The following SENP6 variants were observed in gnomAD, a reference collection of about 807,000 sequenced individuals.
The protein encoded by SENP6 is sentrin-specific protease 6.
Under a neutral mutation model 134.5 loss-of-function variants are expected in SENP6, and 41 were observed. The ratio of observed to expected loss-of-function variants is 0.30; its 90% CI spans 0.24 to 0.40. The LOEUF (loss-of-function observed/expected upper bound fraction) is 0.40. Ranked by LOEUF, SENP6 falls within the 10% of genes least tolerant of loss-of-function variation. The pLI, the probability that SENP6 is intolerant of heterozygous loss-of-function variation, is 1.00. For synonymous variants in SENP6, 395 were observed against 429.8 expected, an observed-to-expected ratio of 0.92 and a Z score of 1.00; for missense variants, 1,248 against 1,312.5, an observed-to-expected ratio of 0.95 and a Z score of 0.76.
At chr6:75,638,959 A>G (rs991917335) in intron 5 of SENP6, among the ~76,000 whole-genome samples, 1 of 152,066 alleles carries the variant, frequency 6.6e-6, no homozygotes, top group East Asian at 1.9e-4. Flanking sequence ...TCAAGGTGGG[A>G]GAATCACCTG....
intron 1 of SENP6, among the ~76,000 whole-genome samples, chr6:75,604,262 A>G (rs1091353): frequency 0.92 from 140,233 of 152,310 alleles, 65,137 homozygotes; most frequent in South Asian, 0.99. Flanking sequence ...ATGTATAGGT[A>G]TGATAAATTC....
chr6:75,667,154 CAAG>C (rs1376678293), intron 10 of SENP6, among the ~76,000 whole-genome samples: 2 of 152,038 alleles, frequency 1.3e-5, no homozygotes, highest in African/African-American at 4.8e-5. Flanking sequence ...AAAAATTCAA[CAAG>C]AAAACACAGT....
intron 16 of SENP6, among the ~76,000 whole-genome samples, chr6:75,690,752 G>A (rs902941138): frequency 1.3e-5 from 2 of 150,656 alleles, no homozygotes; most frequent in African/African-American, 4.9e-5. Context: ...CTGGAGTGCA[G>A]TGGTGCAATC....
intron 20 of SENP6, 52 bp downstream of exon 20, chr6:75,709,682 T>G (rs1775637949): frequency 7.3e-7 from 1 of 1,373,742 alleles, no homozygotes; most frequent in Non-Finnish European, 1.0e-6. Flanking sequence ...AATTAAAAGT[T>G]TTTCTTGCTG....
At chr6:75,701,589 GA>G (rs35990906) in intron 18 of SENP6, among the ~76,000 whole-genome samples, 89,658 of 147,008 alleles carry the variant, frequency 0.61, 27,480 homozygotes, top group South Asian at 0.67. Context: ...TTAGAATGTT[GA>G]AAAAATCATA....
chr6:75,619,062 A>G (rs571994941), intron 1 of SENP6, among the ~76,000 whole-genome samples: 2 of 151,084 alleles, frequency 1.3e-5, no homozygotes, highest in African/African-American at 4.9e-5. Flanking sequence ...TTGTGGTATA[A>G]TATACATAAC....
intron 1 of SENP6, among the ~76,000 whole-genome samples, chr6:75,605,520 A>G (rs568460337): frequency 2.2e-4 from 34 of 152,362 alleles, no homozygotes; most frequent in African/African-American, 7.9e-4. Flanking sequence ...GCCATTTTAC[A>G]TAGCATTGAA....
At chr6:75,622,775 A>G (rs1435867664) in intron 2 of SENP6, 61 of 1,288,748 alleles carry the variant, frequency 4.7e-5, no homozygotes, top group Non-Finnish European at 5.7e-5. Context: ...TCTGGGCAAC[A>G]GCTCCGTTCA....
intron 7 of SENP6, among the ~76,000 whole-genome samples, chr6:75,651,603 C>T (rs1262599034): frequency 2.0e-5 from 3 of 152,140 alleles, no homozygotes; most frequent in Non-Finnish European, 4.4e-5. Flanking sequence ...CTGCTCGCCT[C>T]AGCCTCCCAA....
chr6:75,640,783 G>T, intron 6 of SENP6, 79 bp downstream of exon 6: 6 of 856,420 alleles, frequency 7.0e-6, no homozygotes, highest in East Asian at 3.0e-5. Context: ...GAAAAATATT[G>T]GTTGAATTAG....
chr6:75,703,993 A>G (rs17792478), intron 19 of SENP6, among the ~76,000 whole-genome samples: 40,122 of 152,092 alleles, frequency 0.26, 6,229 homozygotes, highest in Non-Finnish European at 0.37. Flanking sequence ...GACAAATTAG[A>G]TCTCAATTTA....
At chr6:75,652,698 A>AAAAAG (rs1770984849) in intron 7 of SENP6, among the ~76,000 whole-genome samples, 5 of 148,620 alleles carry the variant, frequency 3.4e-5, no homozygotes, top group Non-Finnish European at 5.9e-5. Flanking sequence ...AAAAAAAAAA[A>AAAAAG]AAAAAGAAAA....
At chr6:75,672,128 T>C (rs1360012137) in intron 11 of SENP6, among the ~76,000 whole-genome samples, 1 of 152,214 alleles carries the variant, frequency 6.6e-6, no homozygotes, top group Non-Finnish European at 1.5e-5. Flanking sequence ...GCAGACTGTC[T>C]TTCCTGGTTT....
intron 16 of SENP6, among the ~76,000 whole-genome samples, chr6:75,687,274 C>G (rs1056128738): frequency 1.3e-5 from 2 of 152,180 alleles, no homozygotes; most frequent in Non-Finnish European, 2.9e-5. Flanking sequence ...TCTCTACACT[C>G]TTTATTCTAG....
chr6:75,670,277 G>GT (rs1772568139), intron 10 of SENP6, among the ~76,000 whole-genome samples: 1 of 152,156 alleles, frequency 6.6e-6, no homozygotes, highest in African/African-American at 2.4e-5. Context: ...TGGTGTGGCT[G>GT]TTTGAATCCA....
intron 16 of SENP6, among the ~76,000 whole-genome samples, chr6:75,695,302 G>T (rs945479222): frequency 3.3e-4 from 50 of 152,156 alleles, no homozygotes; most frequent in African/African-American, 1.2e-3. Flanking sequence ...AGATCTTTAT[G>T]TTATAATTTT....
chr6:75,623,002 G>T, intron 2 of SENP6: 2 of 260,494 alleles, frequency 7.7e-6, no homozygotes, highest in South Asian at 4.7e-5. Flanking sequence ...AAATTAAGCT[G>T]CATAGAAAAT....
chr6:75,707,952 G>A (rs1775514138), intron 19 of SENP6, among the ~76,000 whole-genome samples: 1 of 152,142 alleles, frequency 6.6e-6, no homozygotes, highest in Non-Finnish European at 1.5e-5. Flanking sequence ...CAAAGTGCTA[G>A]AGGATTACAG....
At chr6:75,657,255 C>A (rs1457243256) in intron 7 of SENP6, among the ~76,000 whole-genome samples, 2 of 152,202 alleles carry the variant, frequency 1.3e-5, no homozygotes, top group African/African-American at 4.8e-5. Context: ...TTTCAGACAA[C>A]TGTGTTTATT....
Sources: allele counts gnomAD v4.1 joint callset (sites outside exome capture counted in the v4.1 genomes callset), GRCh38; gene constraint gnomAD v4.1.1; transcripts MANE v1.5; gene names NCBI Gene and HGNC (gene_info 2026-07-23, HGNC 2026-07-21).